NAA60: variants seen among roughly 807,000 people sequenced by gnomAD.
NAA60 encodes the protein N-alpha-acetyltransferase 60.
In NAA60, 8 loss-of-function variants were observed where a neutral mutation model predicts 26.1. The observed-to-expected ratio is 0.31, with a 90% CI of 0.18 to 0.55. The LOEUF is 0.55. Ranked by LOEUF, NAA60 falls within the 20% of genes least tolerant of loss-of-function variation. The pLI is 0.93. For missense variants in NAA60, 290 were observed against 311.3 expected (o/e 0.93, Z 0.51); for synonymous variants, 131 against 122.5 (o/e 1.07, Z -0.46).
intron 2 of NAA60, among the ~76,000 whole-genome samples, chr16:3,468,470 C>G (rs1378109287): frequency 3.3e-5 from 5 of 152,208 alleles, no homozygotes; most frequent in East Asian, 3.9e-4. Flanking sequence ...GTTCAGACAC[C>G]AGCCCCTTCC....
chr16:3,457,767 G>T (rs2035072157), intron 2 of NAA60, among the ~76,000 whole-genome samples: 1 of 152,216 alleles, frequency 6.6e-6, no homozygotes, highest in Non-Finnish European at 1.5e-5. Context: ...CGCCACCGGC[G>T]TCCGCACACG....
intron 2 of NAA60, among the ~76,000 whole-genome samples, chr16:3,465,579 G>A (rs948612977): frequency 6.6e-6 from 1 of 152,186 alleles, no homozygotes; most frequent in African/African-American, 2.4e-5. Flanking sequence ...AGCAACCTCA[G>A]ACAGCTTCCT....
At chr16:3,448,597 C>T (rs545402162) in intron 2 of NAA60, 57 bp downstream of exon 2, 64 of 1,419,636 alleles carry the variant, frequency 4.5e-5, no homozygotes, top group Non-Finnish European at 5.9e-5. Flanking sequence ...TCAGAGGAAG[C>T]CTACTTAAGT....
In NAA60 at chr16:3,448,532, C is replaced by A; in HGVS notation, c.-15C>A. ...GAGCCAGCCTGAGTTGGGAGAAGAG[C>A]TCCAGAGAGTGAGTCAAAGCGCTCT... is the stretch of plus-strand genomic sequence containing the variant. On this transcript the variant is annotated 5_prime_UTR_variant, in exon 2 of 8. Coordinates refer to ENST00000407558, the MANE Select transcript of NAA60 (RefSeq NM_001083601.3). 2 of 1,535,556 alleles carry A rather than the reference C, an allele frequency of 1.3e-6. No homozygotes were observed. The highest frequency in any genetic ancestry group is 8.7e-7 in the Non-Finnish European group (1 of 1,146,834).
intron 2 of NAA60, among the ~76,000 whole-genome samples, chr16:3,473,496 A>G (rs2036281079): frequency 6.6e-6 from 1 of 152,206 alleles, no homozygotes; most frequent in Admixed American, 6.5e-5. Context: ...TGACTCAGTT[A>G]TCTCCCACCA....
chr16:3,448,983 A>G (rs932059104), intron 2 of NAA60: 1 of 158,108 alleles, frequency 6.3e-6, no homozygotes, highest in African/African-American at 2.4e-5. Context: ...AGGAAGCAGT[A>G]TCATCTGTGG....
chr16:3,475,183 G>A (rs763858965), intron 2 of NAA60, among the ~76,000 whole-genome samples: 12 of 150,360 alleles, frequency 8.0e-5, no homozygotes, highest in Non-Finnish European at 1.2e-4. Context: ...TCCACCTCCC[G>A]GGTTCAAGCG....
At chr16:3,461,978 T>G (rs1405335088) in intron 2 of NAA60, among the ~76,000 whole-genome samples, 1 of 150,904 alleles carries the variant, frequency 6.6e-6, no homozygotes, top group African/African-American at 2.4e-5. Flanking sequence ...TCCCAGCTAC[T>G]TGGGAAACTG....
At chr16:3,463,753 C>T (rs2035566045) in intron 2 of NAA60, among the ~76,000 whole-genome samples, 1 of 151,610 alleles carries the variant, frequency 6.6e-6, no homozygotes, top group African/African-American at 2.4e-5. Context: ...TGCCTGTAAT[C>T]CTAGCTATTT....
chr16:3,449,487 C>G (rs985476855), intron 2 of NAA60, among the ~76,000 whole-genome samples: 1 of 152,014 alleles, frequency 6.6e-6, no homozygotes, highest in East Asian at 1.9e-4. Context: ...CACTGTACTC[C>G]AGACTGGGCG....
rs1180508564 is a variant in NAA60, at chr16:3,485,542, C to A, written c.*282C>A. 1 of 454,976 alleles carries A rather than the reference C, an allele frequency of 2.2e-6. No homozygotes were observed. Among genetic ancestry groups the A allele is most frequent in the Non-Finnish European group, 4.4e-6 (1 of 225,952 alleles). The allele number at this position is 454,976 out of a possible 1,614,324, so 28.2% of individuals were successfully genotyped here. A position where few individuals can be genotyped will look rare whatever the true frequency, so the allele number is the denominator to read the frequency against. ...CCCTGCCCCCCTGCGCATGCACCGT[C>A]CCCAGGGCTGACCCAGTGTGGCTGC... On this transcript the variant is annotated 3_prime_UTR_variant, in exon 8 of 8. Transcript: ENST00000407558.
Position 3,484,740 on chromosome 16 carries a change from G to C in NAA60, c.614G>C (p.Ser205Thr). Residue 205 changes from serine (S) to threonine (T), a missense_variant, in exon 7 of 8, where the codon AGC becomes ACC. Transcript: ENST00000407558. ...CTGGGCTCTGCACTAGCCAGCCTGA[G>C]CCCCTGCTCCATTCCGCACAGAGTC... ...QHLGSALASL[S>T]PCSIPHRVYR... is the part of the protein sequence containing the mutation. 5.0e-6 allele frequency: 8 copies of C among 1,596,114 alleles called. No homozygotes were observed. The highest frequency in any genetic ancestry group is 6.8e-6 in the Non-Finnish European group (8 of 1,172,220).
At chr16:3,452,724 G>T (rs2150949985) in intron 2 of NAA60, among the ~76,000 whole-genome samples, 1 of 152,152 alleles carries the variant, frequency 6.6e-6, no homozygotes, top group South Asian at 2.1e-4. Flanking sequence ...TGGGAGGTAA[G>T]GTGGTCAGCT....
intron 7 of NAA60, 91 bp downstream of exon 7, chr16:3,485,152 C>T (rs923170272): frequency 8.7e-6 from 7 of 808,908 alleles, no homozygotes; most frequent in African/African-American, 1.7e-5. Flanking sequence ...ACGGCAGAGC[C>T]GGAAGGGGCC....
chr16:3,460,424 C>T (rs919016197), intron 2 of NAA60, among the ~76,000 whole-genome samples: 1 of 152,162 alleles, frequency 6.6e-6, no homozygotes. Context: ...AATGCAGTGG[C>T]GTAATCTCGG....
chr16:3,482,929 C>T (rs1025092656), intron 5 of NAA60: 16 of 492,432 alleles, frequency 3.2e-5, no homozygotes, highest in East Asian at 1.8e-4. Context: ...TCACTGCTCA[C>T]GATTCAGAGT....
chr16:3,453,468 G>A (rs2034863699), intron 2 of NAA60, among the ~76,000 whole-genome samples: 1 of 152,114 alleles, frequency 6.6e-6, no homozygotes, highest in Non-Finnish European at 1.5e-5. Context: ...GAGTGCAATG[G>A]CATGATCTCA....
intron 2 of NAA60, among the ~76,000 whole-genome samples, chr16:3,466,415 C>CA (rs1302026146): frequency 6.6e-6 from 1 of 152,232 alleles, no homozygotes; most frequent in Admixed American, 6.5e-5. Flanking sequence ...GGCTTGCTCT[C>CA]ACGTGGGCAG....
upstream of NAA60, chr16:3,443,640 G>T: frequency 9.0e-7 from 1 of 1,114,062 alleles, no homozygotes; most frequent in South Asian, 1.9e-5. Context: ...CTGGGCAGCT[G>T]CGAGAGGTAG....
Sources: gnomAD v4.1 joint callset for allele counts (sites outside exome capture counted in the v4.1 genomes callset) on GRCh38, gnomAD v4.1.1 for gene constraint, MANE v1.5 for transcripts, NCBI Gene and HGNC (gene_info 2026-07-23, HGNC 2026-07-21) for gene names.